Variants in OR10J1 observed in about 807,000 individuals in gnomAD.
The protein encoded by OR10J1 is olfactory receptor 10J1.
For synonymous variants in OR10J1, 202 were observed against 143.8 expected (o/e 1.40, Z -2.89); for missense variants, 474 against 376.6 (o/e 1.26, Z -2.14).
chr1:159,434,485 A>G (rs1655680119), upstream of OR10J1, among the ~76,000 whole-genome samples: 2 of 152,170 alleles, frequency 1.3e-5, no homozygotes, highest in African/African-American at 4.8e-5. Context: ...AACCCCAAAG[A>G]GGAAAATAGG....
the OR10J1 span, among the ~76,000 whole-genome samples, chr1:159,425,324 A>C: frequency 3.9e-5 from 6 of 152,134 alleles, no homozygotes; most frequent in Non-Finnish European, 8.8e-5. Flanking sequence ...CAGCACTATA[A>C]TCATGCAGCA....
chr1:159,427,700 G>A, the OR10J1 span, among the ~76,000 whole-genome samples: 1 of 152,012 alleles, frequency 6.6e-6, no homozygotes, highest in Non-Finnish European at 1.5e-5. Context: ...CATGCTCAGA[G>A]GATAGAAAGG....
the OR10J1 span, among the ~76,000 whole-genome samples, chr1:159,430,910 C>A: frequency 6.6e-6 from 1 of 152,010 alleles, no homozygotes; most frequent in African/African-American, 2.4e-5. Flanking sequence ...ACAAATGAAA[C>A]GAGCAAAGAA....
chr1:159,426,834 A>G, the OR10J1 span, among the ~76,000 whole-genome samples: 1 of 151,936 alleles, frequency 6.6e-6, no homozygotes, highest in Non-Finnish European at 1.5e-5. Flanking sequence ...ACCTTCAAAG[A>G]TCTATATACA....
At chr1:159,411,991 T>C in the OR10J1 span, among the ~76,000 whole-genome samples, 1 of 152,120 alleles carries the variant, frequency 6.6e-6, no homozygotes, top group African/African-American at 2.4e-5. Flanking sequence ...CAGCAAATAC[T>C]CAGGATAGAA....
chr1:159,405,772 A>G, the OR10J1 span: 4 of 1,333,824 alleles, frequency 3.0e-6, no homozygotes, highest in Non-Finnish European at 4.2e-6. Flanking sequence ...GACACTGACA[A>G]CAAAGTTGAT....
chr1:159,434,398 T>C (rs1467580176), upstream of OR10J1, among the ~76,000 whole-genome samples: 3 of 152,340 alleles, frequency 2.0e-5, no homozygotes, highest in East Asian at 5.8e-4. Flanking sequence ...GGAATCAGTC[T>C]GGAAGTTTAG....
the OR10J1 span, among the ~76,000 whole-genome samples, chr1:159,423,884 G>A: frequency 6.6e-6 from 1 of 152,078 alleles, no homozygotes; most frequent in Non-Finnish European, 1.5e-5. Context: ...CTTTCAATTG[G>A]CTTATTAGAG....
chr1:159,402,875 A>T, the OR10J1 span, among the ~76,000 whole-genome samples: 1 of 152,154 alleles, frequency 6.6e-6, no homozygotes, highest in African/African-American at 2.4e-5. Context: ...ACAGAGCTAC[A>T]GTAACCAAAA....
chr1:159,421,226 C>T, the OR10J1 span, among the ~76,000 whole-genome samples: 1 of 151,954 alleles, frequency 6.6e-6, no homozygotes, highest in East Asian at 1.9e-4. Flanking sequence ...ATGAATTCTT[C>T]AATTTTAGAA....
At chr1:159,426,982 A>G in the OR10J1 span, among the ~76,000 whole-genome samples, 1 of 151,936 alleles carries the variant, frequency 6.6e-6, no homozygotes, top group Non-Finnish European at 1.5e-5. Context: ...TACAAATAAA[A>G]TTGAAGCACA....
the OR10J1 span, among the ~76,000 whole-genome samples, chr1:159,410,030 G>A: frequency 6.6e-6 from 1 of 152,106 alleles, no homozygotes; most frequent in Admixed American, 6.6e-5. Flanking sequence ...AACCAGCCTT[G>A]CATCCCAGGG....
At chr1:159,404,814 G>A in the OR10J1 span, among the ~76,000 whole-genome samples, 16,723 of 152,112 alleles carry the variant, frequency 0.11, 1,153 homozygotes, top group Admixed American at 0.15. Flanking sequence ...GTATTTTCAG[G>A]TCTAAGATAG....
In OR10J1 at chr1:159,440,159, A is replaced by C; in HGVS notation, c.368A>C (p.Tyr123Ser). 6.2e-7 allele frequency: 1 copy of C among 1,614,126 alleles called. No homozygotes were observed. Among genetic ancestry groups the C allele is most frequent in the South Asian group, 1.1e-5 (1 of 91,080 alleles). ...CTCACAGCAATGGGATATGACCGCTATGTGGCCATCTGCAACCCCCTGAGA... is the reference window on the plus strand; with the variant it reads ...CTCACAGCAATGGGATATGACCGCTCTGTGGCCATCTGCAACCCCCTGAGA... Reference protein sequence around the residue: ...FLLTAMGYDRYVAICNPLRYM... With the variant: ...FLLTAMGYDRSVAICNPLRYM... The change falls in exon 1 of 1, where the codon TAT becomes TCT. Residue 123 changes from tyrosine (Y) to serine (S), a missense_variant. By Grantham distance (144) the Tyr-to-Ser change is moderately radical (BLOSUM62 -2). Coordinates refer to ENST00000423932, the MANE Select transcript of OR10J1 (RefSeq NM_012351.3).
the OR10J1 span, among the ~76,000 whole-genome samples, chr1:159,429,780 G>A: frequency 3.3e-5 from 5 of 152,100 alleles, no homozygotes; most frequent in Non-Finnish European, 7.4e-5. Context: ...AGAGCCTGGT[G>A]CTGCTTTTTG....
the OR10J1 span, among the ~76,000 whole-genome samples, chr1:159,408,506 C>A: frequency 6.6e-6 from 1 of 151,068 alleles, no homozygotes; most frequent in East Asian, 2.0e-4. Flanking sequence ...GGGAGATATA[C>A]CTAATGCTAG....
At chr1:159,426,440 G>C in the OR10J1 span, among the ~76,000 whole-genome samples, 1 of 151,784 alleles carries the variant, frequency 6.6e-6, no homozygotes, top group Non-Finnish European at 1.5e-5. Flanking sequence ...AACAACTAAG[G>C]AACTTATGAT....
the OR10J1 span, chr1:159,405,704 T>A: frequency 1.5e-6 from 1 of 655,550 alleles, no homozygotes; most frequent in Non-Finnish European, 2.7e-6. Flanking sequence ...TTAAGGATGG[T>A]GTAGATGATG....
At chr1:159,406,151 G>A in the OR10J1 span, 61 of 486,916 alleles carry the variant, frequency 1.3e-4, no homozygotes, top group Non-Finnish European at 2.3e-4. Context: ...CCATGTAGCA[G>A]GTCTCAGAGA....
Sources: allele counts gnomAD v4.1 joint callset (sites outside exome capture counted in the v4.1 genomes callset), GRCh38; gene constraint gnomAD v4.1.1; transcripts MANE v1.5; gene names NCBI Gene and HGNC (gene_info 2026-07-23, HGNC 2026-07-21).